Variants in GUCY1A2 observed in about 807,000 individuals in gnomAD.
The protein encoded by GUCY1A2 is guanylate cyclase soluble subunit alpha-2.
A neutral mutation model predicts 63.5 loss-of-function variants in GUCY1A2; 27 were observed. The ratio of observed to expected loss-of-function variants is 0.43; its 90% CI spans 0.31 to 0.59. The LOEUF is 0.59. GUCY1A2 is among the 20% of genes least tolerant of loss of function. The pLI, the probability that GUCY1A2 is intolerant of heterozygous loss-of-function variation, is 0.11. For synonymous variants in GUCY1A2, 364 were observed against 343.5 expected, an observed-to-expected ratio of 1.06 and a Z score of -0.66; for missense variants, 768 against 913.3, an observed-to-expected ratio of 0.84 and a Z score of 2.05.
At chr11:106,717,811 TTAATA>T (rs779842866) in intron 6 of GUCY1A2, among the ~76,000 whole-genome samples, 1 of 152,194 alleles carries the variant, frequency 6.6e-6, no homozygotes, top group South Asian at 2.1e-4. Flanking sequence ...AAATACTCCT[TTAATA>T]AAATTAGGTA....
chr11:106,985,277 A>G (rs762114762), intron 2 of GUCY1A2, among the ~76,000 whole-genome samples: 29 of 152,252 alleles, frequency 1.9e-4, no homozygotes, highest in Non-Finnish European at 4.0e-4. Flanking sequence ...TAAAATATAT[A>G]CATTGCCTCT....
At chr11:106,950,007 T>C (rs1860884562) in intron 3 of GUCY1A2, among the ~76,000 whole-genome samples, 1 of 152,226 alleles carries the variant, frequency 6.6e-6, no homozygotes, top group South Asian at 2.1e-4. Context: ...GATTTTTCCA[T>C]TGCTATATTT....
chr11:106,885,802 C>T (rs1370749394), intron 4 of GUCY1A2, among the ~76,000 whole-genome samples: 2 of 152,142 alleles, frequency 1.3e-5, no homozygotes, highest in African/African-American at 2.4e-5. Context: ...ATGTAGTATA[C>T]ATTAAGCCAA....
chr11:107,006,685 G>A (rs1362213704), intron 1 of GUCY1A2, among the ~76,000 whole-genome samples: 1 of 152,204 alleles, frequency 6.6e-6, no homozygotes, highest in East Asian at 1.9e-4. Flanking sequence ...CATAGAGCAA[G>A]TTTGCTATTA....
intron 4 of GUCY1A2, among the ~76,000 whole-genome samples, chr11:106,881,098 A>G (rs569627641): frequency 6.6e-6 from 1 of 152,216 alleles, no homozygotes; most frequent in Non-Finnish European, 1.5e-5. Context: ...CTCTGAATTA[A>G]CCTAATTGTC....
intron 1 of GUCY1A2, among the ~76,000 whole-genome samples, chr11:107,004,661 A>C (rs750529275): frequency 2.0e-5 from 3 of 152,184 alleles, no homozygotes; most frequent in Non-Finnish European, 4.4e-5. Flanking sequence ...ACTAGTAAAT[A>C]AGATAATTTA....
intron 6 of GUCY1A2, among the ~76,000 whole-genome samples, chr11:106,714,934 A>G (rs1863189150): frequency 6.6e-6 from 1 of 152,122 alleles, no homozygotes; most frequent in African/African-American, 2.4e-5. Flanking sequence ...AAATGCTTTC[A>G]TCTGATCAAA....
At chr11:106,696,602 G>A (rs1472181928) in intron 7 of GUCY1A2, among the ~76,000 whole-genome samples, 3 of 152,014 alleles carry the variant, frequency 2.0e-5, no homozygotes, top group Non-Finnish European at 4.4e-5. Flanking sequence ...CAACCAATCA[G>A]AAATAGTTAG....
intron 4 of GUCY1A2, among the ~76,000 whole-genome samples, chr11:106,810,736 A>G (rs1858752086): frequency 6.6e-6 from 1 of 152,142 alleles, no homozygotes; most frequent in African/African-American, 2.4e-5. Context: ...GAAAAATGAA[A>G]CAGGAAAACA....
chr11:106,855,425 G>A (rs1362765216), intron 4 of GUCY1A2, among the ~76,000 whole-genome samples: 1 of 152,086 alleles, frequency 6.6e-6, no homozygotes, highest in Non-Finnish European at 1.5e-5. Context: ...GAATTTCAGT[G>A]TTCTCTTAGA....
At chr11:106,914,908 A>G (rs1004694562) in intron 4 of GUCY1A2, among the ~76,000 whole-genome samples, 19 of 152,136 alleles carry the variant, frequency 1.2e-4, no homozygotes, top group South Asian at 2.1e-4. Flanking sequence ...AAAATCAACA[A>G]CTTTTCTTGG....
At chr11:106,997,857 T>C (rs949313954) in intron 1 of GUCY1A2, among the ~76,000 whole-genome samples, 4 of 152,112 alleles carry the variant, frequency 2.6e-5, no homozygotes, top group Non-Finnish European at 5.9e-5. Flanking sequence ...ATAATGTATG[T>C]GAAAAACATG....
In GUCY1A2 at chr11:106,800,292, A is replaced by T. The variant is rs555564654; in HGVS notation, c.1692+9701T>A. On this transcript the variant is annotated intron_variant, in intron 5 of 7. Transcript: ENST00000526355. The stretch of plus-strand genomic sequence containing the variant: ...GGAACACTTTTACACTGTTGGTGGG[A>T]CTGTAAACTAGTTCAACCATCGTGG... Among the ~76,000 whole-genome samples, 4 of 152,340 alleles carry T rather than the reference A, an allele frequency of 2.6e-5. No individual in the cohort carries two copies. In the East Asian group the frequency reaches 5.8e-4, roughly 22 times the overall value.
intron 1 of GUCY1A2, among the ~76,000 whole-genome samples, chr11:107,009,794 C>T (rs1861719027): frequency 6.6e-6 from 1 of 152,208 alleles, no homozygotes; most frequent in Non-Finnish European, 1.5e-5. Flanking sequence ...AAGGAAGCGA[C>T]TTTCAGGATC....
chr11:106,981,685 T>C (rs968726235), intron 2 of GUCY1A2, among the ~76,000 whole-genome samples: 1 of 151,280 alleles, frequency 6.6e-6, no homozygotes, highest in East Asian at 1.9e-4. Flanking sequence ...AATCATGTAG[T>C]AGAAATATGA....
At chr11:106,985,091 G>T (rs932301327) in intron 2 of GUCY1A2, among the ~76,000 whole-genome samples, 14 of 151,856 alleles carry the variant, frequency 9.2e-5, no homozygotes, top group Non-Finnish European at 1.8e-4. Flanking sequence ...ACACTATACC[G>T]TAATAATCAA....
At chr11:106,995,565 A>G (rs554053216) in intron 1 of GUCY1A2, among the ~76,000 whole-genome samples, 1 of 152,286 alleles carries the variant, frequency 6.6e-6, no homozygotes, top group East Asian at 1.9e-4. Context: ...CCTCAATTTA[A>G]TTTTCATAAA....
At chr11:106,983,523 T>G (rs958737023) in intron 2 of GUCY1A2, among the ~76,000 whole-genome samples, 1 of 152,056 alleles carries the variant, frequency 6.6e-6, no homozygotes, top group Non-Finnish European at 1.5e-5. Flanking sequence ...GCAACCAGTA[T>G]AAGAATCCAA....
chr11:106,887,879 C>T (rs1859919956), intron 4 of GUCY1A2, among the ~76,000 whole-genome samples: 1 of 152,164 alleles, frequency 6.6e-6, no homozygotes, highest in Admixed American at 6.5e-5. Flanking sequence ...AGAATTAATT[C>T]CAGCCTTATA....
Sources: allele counts gnomAD v4.1 joint callset (sites outside exome capture counted in the v4.1 genomes callset), GRCh38; gene constraint gnomAD v4.1.1; transcripts MANE v1.5; gene names NCBI Gene and HGNC (gene_info 2026-07-23, HGNC 2026-07-21).